NOL4: variants seen among roughly 807,000 people sequenced by gnomAD.
The protein encoded by NOL4 is nucleolar protein 4.
In NOL4, 17 loss-of-function variants were observed where a neutral mutation model predicts 75.9. The observed-to-expected ratio is 0.22, with a 90% confidence interval of 0.15 to 0.34. The LOEUF is 0.34. Among genes scored for constraint, NOL4 ranks in the 10% least tolerant of loss-of-function variants. NOL4 has a pLI of 1.00. For missense variants in NOL4, 614 were observed against 793.5 expected, an observed-to-expected ratio of 0.77 and a Z score of 2.72; for synonymous variants, 292 against 289.9, an observed-to-expected ratio of 1.01 and a Z score of -0.07.
intron 5 of NOL4, among the ~76,000 whole-genome samples, chr18:34,043,188 T>C (rs2076213042): frequency 6.6e-6 from 1 of 152,138 alleles, no homozygotes; most frequent in Admixed American, 6.6e-5. Flanking sequence ...TACAGTGTGC[T>C]TTGGCAAAAG....
At chr18:34,146,745 A>G (rs776910047) in intron 1 of NOL4, among the ~76,000 whole-genome samples, 2 of 151,454 alleles carry the variant, frequency 1.3e-5, no homozygotes, top group African/African-American at 4.8e-5. Context: ...TTTTTTTCTA[A>G]TTCTGTGAAG....
At chr18:34,135,623 G>T (rs1035650708) in intron 1 of NOL4, among the ~76,000 whole-genome samples, 5 of 142,788 alleles carry the variant, frequency 3.5e-5, no homozygotes, top group Admixed American at 7.6e-5. Flanking sequence ...CATGAACCTG[G>T]GAGGCCAGAG....
At chr18:33,950,517 T>C (rs2069143181) in intron 8 of NOL4, among the ~76,000 whole-genome samples, 1 of 152,252 alleles carries the variant, frequency 6.6e-6, no homozygotes, top group African/African-American at 2.4e-5. Context: ...TCAACATGAA[T>C]TGAGCAACTT....
At chr18:33,972,467 T>C (rs1026766921) in intron 6 of NOL4, among the ~76,000 whole-genome samples, 3 of 152,124 alleles carry the variant, frequency 2.0e-5, no homozygotes, top group Non-Finnish European at 2.9e-5. Context: ...TTTAAAAAAG[T>C]GTTGAGGATG....
chr18:33,956,318 A>G (rs2069644086), intron 8 of NOL4, among the ~76,000 whole-genome samples: 1 of 152,160 alleles, frequency 6.6e-6, no homozygotes, highest in Non-Finnish European at 1.5e-5. Context: ...TTGATCAAAC[A>G]TTAGATTTAT....
intron 2 of NOL4, among the ~76,000 whole-genome samples, chr18:34,126,631 C>T (rs1284193079): frequency 6.6e-6 from 1 of 151,966 alleles, no homozygotes; most frequent in Non-Finnish European, 1.5e-5. Flanking sequence ...AACTCGCTTA[C>T]CCTGTGATAT....
intron 1 of NOL4, among the ~76,000 whole-genome samples, chr18:34,173,993 A>C (rs1165986858): frequency 6.6e-6 from 1 of 152,170 alleles, no homozygotes; most frequent in African/African-American, 2.4e-5. Context: ...GATTCTGATT[A>C]ATTATTTCAA....
intron 9 of NOL4, among the ~76,000 whole-genome samples, chr18:33,886,167 C>T (rs1024874882): frequency 6.6e-6 from 1 of 151,864 alleles, no homozygotes; most frequent in Non-Finnish European, 1.5e-5. Flanking sequence ...TTACCAGAGG[C>T]TAGGAAGGGG....
intron 9 of NOL4, among the ~76,000 whole-genome samples, chr18:33,893,064 T>C (rs936049522): frequency 1.1e-4 from 16 of 152,100 alleles, no homozygotes; most frequent in Admixed American, 9.2e-4. Context: ...TACAATACAC[T>C]AGATAATGCA....
intron 1 of NOL4, among the ~76,000 whole-genome samples, chr18:34,192,202 C>T (rs1220344016): frequency 1.3e-5 from 2 of 152,060 alleles, no homozygotes; most frequent in African/African-American, 4.8e-5. Flanking sequence ...TAAAACAAAT[C>T]ATTGATGAAA....
At chr18:34,064,632 C>T (rs1329584908) in intron 5 of NOL4, among the ~76,000 whole-genome samples, 24 of 151,840 alleles carry the variant, frequency 1.6e-4, no homozygotes, top group Admixed American at 1.6e-3. Context: ...ATTATGAAAA[C>T]TACCCTTTGA....
At chr18:33,944,097 A>G (rs905568607) in intron 8 of NOL4, among the ~76,000 whole-genome samples, 8 of 151,956 alleles carry the variant, frequency 5.3e-5, no homozygotes, top group Non-Finnish European at 1.2e-4. Context: ...CAAATGAGGT[A>G]GTAAAATAAT....
At chr18:34,071,958 C>T (rs1035386964) in intron 5 of NOL4, among the ~76,000 whole-genome samples, 3 of 152,108 alleles carry the variant, frequency 2.0e-5, no homozygotes, top group African/African-American at 2.4e-5. Flanking sequence ...AGGGGCCAGG[C>T]GCAGTAGCTC....
At chr18:34,036,490 T>G (rs567392095) in intron 5 of NOL4, among the ~76,000 whole-genome samples, 1 of 152,256 alleles carries the variant, frequency 6.6e-6, no homozygotes, top group South Asian at 2.1e-4. Context: ...CAACAAACCC[T>G]CAGTTAACAT....
At chr18:34,093,420 T>C (rs766403889) in intron 5 of NOL4, 45 bp downstream of exon 5, 1 of 1,516,622 alleles carries the variant, frequency 6.6e-7, no homozygotes, top group Non-Finnish European at 8.9e-7. Flanking sequence ...TCTGACTCAT[T>C]TTTTTGCTGT....
intron 5 of NOL4, among the ~76,000 whole-genome samples, chr18:34,045,031 T>G (rs1042296163): frequency 1.3e-5 from 2 of 152,200 alleles, no homozygotes; most frequent in Admixed American, 6.6e-5. Context: ...TCTTATCATC[T>G]ATCTTTTCAT....
intron 1 of NOL4, among the ~76,000 whole-genome samples, chr18:34,157,470 A>G (rs977203903): frequency 3.3e-5 from 5 of 152,178 alleles, no homozygotes; most frequent in Admixed American, 2.6e-4. Flanking sequence ...CAGGTAAGAT[A>G]TATAGAATTG....
chr18:34,074,298 T>C (rs2077652544), intron 5 of NOL4, among the ~76,000 whole-genome samples: 1 of 151,682 alleles, frequency 6.6e-6, no homozygotes, highest in Non-Finnish European at 1.5e-5. Context: ...AACAATGATA[T>C]AAGCTCATTA....
At chr18:34,154,235 TA>T (rs986904320) in intron 1 of NOL4, among the ~76,000 whole-genome samples, 3 of 151,940 alleles carry the variant, frequency 2.0e-5, no homozygotes, top group East Asian at 1.9e-4. Context: ...GACAAGTCTT[TA>T]AAAAAATAAT....
Sources: allele counts gnomAD v4.1 joint callset (sites outside exome capture counted in the v4.1 genomes callset), GRCh38; gene constraint gnomAD v4.1.1; transcripts MANE v1.5; gene names NCBI Gene and HGNC (gene_info 2026-07-23, HGNC 2026-07-21).